ME1: variants seen among roughly 807,000 people sequenced by gnomAD.
ME1 encodes the protein NADP-dependent malic enzyme.
In ME1, 74 loss-of-function variants were observed where a neutral mutation model predicts 66.4. The observed-to-expected ratio is 1.11, with a 90% confidence interval of 0.92 to 1.35. The LOEUF (loss-of-function observed/expected upper bound fraction) is 1.35, where lower values mean the gene tolerates loss of function less well. Among genes scored for constraint, ME1 ranks in the 40% most tolerant of loss-of-function variants. The pLI is 0.00. For synonymous variants in ME1, 251 were observed against 235.6 expected, an observed-to-expected ratio of 1.07 and a Z score of -0.60; for missense variants, 750 against 694.1, an observed-to-expected ratio of 1.08 and a Z score of -0.90.
chr6:83,216,516 A>T lies in ME1; in HGVS notation c.1530T>A (p.Ser510=). The part of the protein sequence containing the change: ...YPPLNTIRDV[S]LKIAEKIVKD... ...GTTTTACCTTTTCTGCAATTTTCAG[A>T]GAAACATCTCTAATGGTATTCAAAG... Residue 510 remains serine, a synonymous_variant, in exon 13 of 14, where the codon TCT becomes TCA. Transcript: ENST00000369705. 1 of 1,605,632 alleles carries T rather than the reference A, an allele frequency of 6.2e-7. No individual in the cohort carries two copies. The highest frequency in any genetic ancestry group is 8.5e-7 in the Non-Finnish European group (1 of 1,177,620).
intron 5 of ME1, among the ~76,000 whole-genome samples, chr6:83,317,592 C>T (rs1020293439): frequency 6.6e-6 from 1 of 151,828 alleles, no homozygotes; most frequent in African/African-American, 2.4e-5. Flanking sequence ...TCTAGATACA[C>T]AATCATGTCG....
rs74476185 is a variant in ME1, at chr6:83,408,455, T to C, written c.79-554A>G. On this transcript the variant is annotated intron_variant, in intron 1 of 13. Transcript: ENST00000369705. ...CATACCACACCCTTTTATTCTTCCATGGCACATGGTCAAGATATTCTTCCC... is the reference window on the plus strand; with the variant it reads ...CATACCACACCCTTTTATTCTTCCACGGCACATGGTCAAGATATTCTTCCC... Among the ~76,000 whole-genome samples, 727 of 152,316 alleles carry C rather than the reference T, an allele frequency of 4.8e-3. 3 individuals are homozygous for C. The highest frequency in any genetic ancestry group is 0.016 in the African/African-American group (667 of 41,580).
chr6:83,361,454 A>G (rs533380112), intron 3 of ME1, among the ~76,000 whole-genome samples: 46 of 152,340 alleles, frequency 3.0e-4, no homozygotes, highest in African/African-American at 9.9e-4. Context: ...GGGGTCCAAA[A>G]CAGGAAAAGG....
chr6:83,358,857 C>T (rs767753643), intron 3 of ME1, among the ~76,000 whole-genome samples: 4 of 151,948 alleles, frequency 2.6e-5, no homozygotes, highest in African/African-American at 4.8e-5. Context: ...AGTTGCCAGG[C>T]AAGATAATGT....
At chr6:83,257,923 CT>C (rs556424904) in intron 6 of ME1, among the ~76,000 whole-genome samples, 47 of 152,258 alleles carry the variant, frequency 3.1e-4, no homozygotes, top group African/African-American at 9.9e-4. Context: ...ATTGGATGAG[CT>C]GTCATTATGT....
intron 6 of ME1, among the ~76,000 whole-genome samples, chr6:83,260,590 G>T (rs1194251267): frequency 6.6e-6 from 1 of 152,060 alleles, no homozygotes; most frequent in African/African-American, 2.4e-5. Flanking sequence ...ACCCTCTGGG[G>T]TGGTGATGAG....
At chr6:83,414,125 A>AAC (rs1554163815) in intron 1 of ME1, among the ~76,000 whole-genome samples, 40 of 146,900 alleles carry the variant, frequency 2.7e-4, no homozygotes, top group Admixed American at 6.2e-4. Flanking sequence ...AAAAAAAAAA[A>AAC]AAAAAACTAA....
rs1320957942 is a variant in ME1 at position 83,210,885 on chromosome 6, G to A, written c.*1039C>T. On this transcript the variant is annotated 3_prime_UTR_variant, in exon 14 of 14. Transcript: ENST00000369705. ...AGTCATCAAGATATTTTAATCTTAT[G>A]TAAGGACATTTCTGATACTGGGAAC... 1 of 152,152 alleles carries A rather than the reference G, an allele frequency of 6.6e-6. No individual in the cohort carries two copies. The highest frequency in any genetic ancestry group is 2.4e-5 in the African/African-American group (1 of 41,440). 9.4% of individuals were successfully genotyped at this position (152,152 alleles called of 1,614,324 possible). A position where few individuals can be genotyped will look rare whatever the true frequency, so the allele number is the denominator to read the frequency against.
rs1468659975 is a variant in ME1 at position 83,257,249 on chromosome 6, C to A, written c.705-3511G>T. ...AAGACATCTTTAGATAAATAAAAAT[C>A]AAAAGACTTTTACTAAAGAAACTTC... On this transcript the variant is annotated intron_variant, in intron 6 of 13. Transcript: ENST00000369705. Among the ~76,000 whole-genome samples, 4 of 150,942 alleles carry A rather than the reference C, an allele frequency of 2.7e-5. No individual in the cohort carries two copies. In the East Asian group the frequency reaches 7.8e-4, roughly 29 times the overall value.
chr6:83,263,808 CATAA>C (rs1766940929), intron 6 of ME1, among the ~76,000 whole-genome samples: 1 of 142,292 alleles, frequency 7.0e-6, no homozygotes, highest in Admixed American at 7.2e-5. Flanking sequence ...CATAACATAA[CATAA>C]CATAACATAA....
chr6:83,256,418 G>A (rs1766770525), intron 6 of ME1, among the ~76,000 whole-genome samples: 1 of 151,940 alleles, frequency 6.6e-6, no homozygotes, highest in African/African-American at 2.4e-5. Flanking sequence ...AGGTTTATGT[G>A]GCCAATAAAC....
intron 3 of ME1, among the ~76,000 whole-genome samples, chr6:83,364,990 C>T (rs180705261): frequency 1.3e-5 from 2 of 152,312 alleles, no homozygotes; most frequent in Admixed American, 6.5e-5. Context: ...AAGTCCTCCT[C>T]GTCCCACTGG....
intron 1 of ME1, among the ~76,000 whole-genome samples, chr6:83,418,929 G>A (rs1472818373): frequency 6.6e-6 from 1 of 152,166 alleles, no homozygotes; most frequent in Non-Finnish European, 1.5e-5. Context: ...AGTTGACCAG[G>A]TGAAAAGTTG....
rs185888779 is a variant in ME1, at chr6:83,421,055, C to T, written c.78+9822G>A. Among the ~76,000 whole-genome samples, 1,041 of 152,018 alleles carry T rather than the reference C, an allele frequency of 6.8e-3. 8 individuals carry two copies. Among genetic ancestry groups the T allele is most frequent in the African/African-American group, 0.024 (975 of 41,442 alleles). On this transcript the variant is annotated intron_variant, in intron 1 of 13. Coordinates refer to ENST00000369705, the MANE Select transcript of ME1 (RefSeq NM_002395.6). The stretch of plus-strand genomic sequence containing the variant: ...GGCCCAAAGCCAAGAGAGGGAACCC[C>T]AAAGAAATTCTGAACGTCGAACTTG...
chr6:83,429,434 A>AC (rs1247595504), intron 1 of ME1, among the ~76,000 whole-genome samples: 3 of 152,164 alleles, frequency 2.0e-5, no homozygotes, highest in African/African-American at 7.2e-5. Flanking sequence ...TTAAGTGTCA[A>AC]CCCACAACTT....
At chr6:83,392,193 C>A (rs1769634818) in intron 3 of ME1, among the ~76,000 whole-genome samples, 1 of 151,012 alleles carries the variant, frequency 6.6e-6, no homozygotes, top group South Asian at 2.1e-4. Flanking sequence ...AAGGTGAAGG[C>A]TGGAGTCAAC....
chr6:83,422,365 A>C (rs971600982), intron 1 of ME1, among the ~76,000 whole-genome samples: 1 of 152,220 alleles, frequency 6.6e-6, no homozygotes, highest in Non-Finnish European at 1.5e-5. Flanking sequence ...GTGACCACTA[A>C]AGCAAAGAAG....
At chr6:83,373,771 C>T (rs540188512) in intron 3 of ME1, among the ~76,000 whole-genome samples, 2 of 152,046 alleles carry the variant, frequency 1.3e-5, no homozygotes, top group Non-Finnish European at 1.5e-5. Context: ...TCCCCTCACC[C>T]CCCACAGGCC....
chr6:83,365,297 T>C lies in ME1; in HGVS notation c.363-13158A>G, dbSNP rs930560303. ...TTAGTAGAGATAGGGTTTCACCCTGTTGGCCAGGCTGGTCTTGAACTCCTG... is the reference window on the plus strand; with the variant it reads ...TTAGTAGAGATAGGGTTTCACCCTGCTGGCCAGGCTGGTCTTGAACTCCTG... On this transcript the variant is annotated intron_variant, in intron 3 of 13. Coordinates refer to ENST00000369705, the MANE Select transcript of ME1 (RefSeq NM_002395.6). Among the ~76,000 whole-genome samples the C allele has an allele frequency of 1.2e-4, 19 of 152,318 alleles. No homozygotes were observed. The East Asian group carries it at 3.7e-3, about 29-fold the overall frequency.
Sources: gnomAD v4.1 joint callset for allele counts (sites outside exome capture counted in the v4.1 genomes callset) on GRCh38, gnomAD v4.1.1 for gene constraint, MANE v1.5 for transcripts, NCBI Gene and HGNC (gene_info 2026-07-23, HGNC 2026-07-21) for gene names.